Variants in TOP2B observed in about 807,000 individuals in gnomAD.
The protein encoded by TOP2B is DNA topoisomerase II beta, also known as DNA topoisomerase 2-beta.
A neutral mutation model predicts 193.5 loss-of-function variants in TOP2B; 51 were observed. The ratio of observed to expected loss-of-function variants is 0.26; its 90% confidence interval spans 0.21 to 0.33. The LOEUF (loss-of-function observed/expected upper bound fraction) is 0.33, where lower values mean the gene tolerates loss of function less well. TOP2B is among the 10% of genes least tolerant of loss of function. The pLI is 1.00. For synonymous variants in TOP2B, 634 were observed against 635.7 expected, an observed-to-expected ratio of 1.00 and a Z score of 0.04; for missense variants, 1,378 against 1,909.3, an observed-to-expected ratio of 0.72 and a Z score of 5.19.
At chr3:25,623,324 C>T (rs778709109) in intron 21 of TOP2B, among the ~76,000 whole-genome samples, 191 bp downstream of exon 21, 3 of 152,274 alleles carry the variant, frequency 2.0e-5, no homozygotes, top group Non-Finnish European at 2.9e-5. Flanking sequence ...CCCCATGAAA[C>T]TTACCTCCAA....
chr3:25,660,564 C>T (rs1371267323), intron 1 of TOP2B, among the ~76,000 whole-genome samples: 2 of 152,024 alleles, frequency 1.3e-5, no homozygotes, highest in East Asian at 3.9e-4. Flanking sequence ...AGATGGAAGG[C>T]AAATATGTAA....
intron 13 of TOP2B, 47 bp downstream of exon 13, chr3:25,629,982 T>C: frequency 6.6e-7 from 1 of 1,516,690 alleles, no homozygotes; most frequent in Non-Finnish European, 8.8e-7. Context: ...AAAGGGAGAA[T>C]CTGAAGAAGA....
In TOP2B at chr3:25,606,039, A is replaced by G; in HGVS notation, c.4378+4T>C. On this transcript the variant is annotated splice_donor_region_variant and intron_variant, in intron 32 of 35. Coordinates refer to ENST00000264331, the MANE Select transcript of TOP2B (RefSeq NM_001330700.2). ...TAACCAATGAAAAGACTAAATGAAC[A>G]TACCATCTTCTGACTTCTGAGAATA... The G allele has an allele frequency of 6.8e-7, 1 of 1,460,882 alleles. No individual in the cohort carries two copies. Among genetic ancestry groups the G allele is most frequent in the Non-Finnish European group, 9.2e-7 (1 of 1,088,666 alleles). The allele number at this position is 1,460,882 out of a possible 1,614,324, so 90.5% of individuals were successfully genotyped here.
intron 5 of TOP2B, 136 bp from the exon 6 acceptor site, chr3:25,637,448 A>G (rs560431051): frequency 5.9e-5 from 36 of 613,410 alleles, no homozygotes; most frequent in Non-Finnish European, 5.7e-5. Context: ...AAGATTCCAG[A>G]GTATATTTAG....
chr3:25,609,101 C>T, intron 30 of TOP2B, 82 bp downstream of exon 30: 1 of 1,245,618 alleles, frequency 8.0e-7, no homozygotes, highest in Admixed American at 2.9e-5. Context: ...TGGCTTAGTA[C>T]TTAAACAACA....
intron 6 of TOP2B, 40 bp downstream of exon 6, chr3:25,637,175 C>T (rs775378827): frequency 3.3e-5 from 47 of 1,432,110 alleles, no homozygotes; most frequent in Non-Finnish European, 4.2e-5. Context: ...GATAATAAAA[C>T]GTTATTTTAA....
chr3:25,602,781 G>A (rs1227177344), intron 33 of TOP2B, among the ~76,000 whole-genome samples: 2 of 152,162 alleles, frequency 1.3e-5, no homozygotes, highest in Non-Finnish European at 2.9e-5. Flanking sequence ...CAGGCAAACA[G>A]GTCAGATATC....
intron 3 of TOP2B, among the ~76,000 whole-genome samples, chr3:25,643,367 C>A (rs1559506040): frequency 6.6e-6 from 1 of 152,208 alleles, no homozygotes; most frequent in Non-Finnish European, 1.5e-5. Flanking sequence ...AAATCAGTCC[C>A]TGTCATCTCC....
At position 25,629,968 on chromosome 3, in the gene TOP2B, T is replaced by C. The variant is rs997816651; in HGVS notation, c.1689+61A>G. 5.3e-5 allele frequency: 79 copies of C among 1,477,774 alleles called. No individual in the cohort carries two copies. In the African/African-American group the frequency reaches 9.8e-4, roughly 18 times the overall value. The allele number at this position is 1,477,774 out of a possible 1,614,324, so 91.5% of individuals were successfully genotyped here. On this transcript the variant is annotated intron_variant, in intron 13 of 35. Coordinates refer to ENST00000264331, the MANE Select transcript of TOP2B (RefSeq NM_001330700.2). Reference sequence around the variant, plus strand: ...CTTCGGGCAAGTCTCATAAAACAAATATTAAAGGGAGAATCTGAAGAAGAC... The same window carrying C: ...CTTCGGGCAAGTCTCATAAAACAAACATTAAAGGGAGAATCTGAAGAAGAC...
At chr3:25,616,696 T>C (rs1702513897) in intron 25 of TOP2B, among the ~76,000 whole-genome samples, 1 of 151,930 alleles carries the variant, frequency 6.6e-6, no homozygotes, top group Admixed American at 6.6e-5. Context: ...CTATGGAGTA[T>C]TCAGGTTGTT....
rs1703384650 is a variant in TOP2B at position 25,645,308 on chromosome 3, A to C, written c.232T>G (p.Leu78Val). Reference protein sequence around the residue: ...PDTYIGSVEPLTQFMWVYDED... With the variant: ...PDTYIGSVEPVTQFMWVYDED... ...ATTTTAGCAATAATTACCTGCGTCA[A>C]TGGCTCCACTGACCCAATATATGTA... Residue 78 changes from leucine (L) to valine (V), a missense_variant, in exon 2 of 36, where the codon TTG (leucine) becomes GTG (valine). By Grantham distance (32) the Leu-to-Val change is conservative. This residue lies in a region of TOP2B where 35 missense variants were observed against 85.8 expected (regional missense o/e 0.41). Transcript: ENST00000264331. 1 of 1,573,436 alleles carries C rather than the reference A, an allele frequency of 6.4e-7. No individual in the cohort carries two copies. The highest frequency in any genetic ancestry group is 1.4e-5 in the African/African-American group (1 of 73,378).
intron 1 of TOP2B, among the ~76,000 whole-genome samples, chr3:25,659,126 C>T (rs1703836954): frequency 6.6e-6 from 1 of 152,122 alleles, no homozygotes; most frequent in Admixed American, 6.6e-5. Flanking sequence ...TCAGACTTAA[C>T]ACCAACCTTT....
chr3:25,614,487 G>GA (rs1559494869), intron 27 of TOP2B, among the ~76,000 whole-genome samples: 1 of 151,910 alleles, frequency 6.6e-6, no homozygotes. Flanking sequence ...AGGGAGCCTA[G>GA]AAAAATAGCA....
chr3:25,644,730 C>T (rs1272068956), intron 2 of TOP2B, among the ~76,000 whole-genome samples: 21 of 143,994 alleles, frequency 1.5e-4, no homozygotes, highest in Admixed American at 9.1e-4. Flanking sequence ...TGGGAGATGG[C>T]GGGTGGGGAA....
At chr3:25,632,907 G>C (rs1333358481) in intron 8 of TOP2B, 113 bp from the exon 9 acceptor site, 3 of 851,774 alleles carry the variant, frequency 3.5e-6, no homozygotes, top group Non-Finnish European at 5.4e-6. Context: ...CTCAGAACGA[G>C]AGTTGAGATT....
rs746971399 is a variant in TOP2B at position 25,620,777 on chromosome 3, G to C, written c.2767C>G (p.Leu923Val). ...YKNFKGTIQELGQNQYAVSGE... is the reference protein window; with the variant it reads ...YKNFKGTIQEVGQNQYAVSGE... The stretch of plus-strand genomic sequence containing the variant: ...CTGACTGCATACTGGTTTTGACCAA[G>C]TTCTTGAATCGTGCCTTTAAAGTTT... Residue 923 changes from leucine to valine, a missense_variant, in exon 22 of 36, where the codon CTT becomes GTT. Coordinates refer to ENST00000264331, the MANE Select transcript of TOP2B (RefSeq NM_001330700.2). The C allele has an allele frequency of 1.2e-6, 2 of 1,613,594 alleles. No homozygotes were observed. The highest frequency in any genetic ancestry group is 1.1e-5 in the South Asian group (1 of 91,014).
chr3:25,599,529 C>T lies in TOP2B; in HGVS notation c.4616G>A (p.Gly1539Asp). Residue 1539 changes from glycine (G) to aspartate (D), a missense_variant and splice_region_variant, in exon 35 of 36, where the codon GGT becomes GAT. Physicochemically the swap from Gly to Asp is moderately conservative, Grantham distance 94 (BLOSUM62 -1). This residue lies in a region of TOP2B where 556 missense variants were observed against 584.2 expected (regional missense o/e 0.95). Transcript: ENST00000264331. ...CCTTTTCTTTGCCCCTCGGCCTTTA[C>T]CTTAAAATGATACAAAAGGTTTTTT... ...GIPKKTTTPKGKGRGAKKRKA... is the reference protein window; with the variant it reads ...GIPKKTTTPKDKGRGAKKRKA... 1 of 1,610,680 alleles carries T rather than the reference C, an allele frequency of 6.2e-7. No individual in the cohort carries two copies. The highest frequency in any genetic ancestry group is 1.1e-5 in the South Asian group (1 of 90,334).
intron 4 of TOP2B, among the ~76,000 whole-genome samples, chr3:25,640,089 C>G (rs1487856413): frequency 1.3e-5 from 2 of 152,146 alleles, no homozygotes; most frequent in Non-Finnish European, 2.9e-5. Context: ...TTTAAAATGA[C>G]TTCTTAAATT....
chr3:25,607,194 T>A lies in TOP2B; in HGVS notation c.4275A>T (p.Pro1425=). Residue 1425 remains proline, a synonymous_variant, in exon 31 of 36, where the codon CCA becomes CCT. Coordinates refer to ENST00000264331, the MANE Select transcript of TOP2B (RefSeq NM_001330700.2). ...GLDKDEYTFS[P]GKSKATPEKS... is the part of the protein sequence containing the mutation. ...ACTCTGGAGTGGCTTTTGATTTGCC[T>A]GGTGAAAATGTATATTCATCTTTAT... is the stretch of plus-strand genomic sequence containing the variant. The A allele has an allele frequency of 6.2e-7, 1 of 1,612,920 alleles. No homozygotes were observed.
Sources: gnomAD v4.1 joint callset for allele counts (sites outside exome capture counted in the v4.1 genomes callset) on GRCh38, gnomAD v4.1.1 for gene constraint, gnomAD v4.1.1 regional missense constraint, MANE v1.5 for transcripts, NCBI Gene and HGNC (gene_info 2026-07-23, HGNC 2026-07-21) for gene names.